PRR16: variants seen among roughly 807,000 people sequenced by gnomAD.
PRR16 encodes proline rich 16, also known as protein Largen.
In PRR16, 6 loss-of-function variants were observed where a neutral mutation model predicts 18.2. The ratio of observed to expected loss-of-function variants is 0.33; its 90% confidence interval spans 0.18 to 0.65. The LOEUF is 0.65. Ranked by LOEUF, PRR16 falls within the 30% of genes least tolerant of loss-of-function variation. The probability of loss-of-function intolerance (pLI) is 0.74; values close to 1 mark genes in which losing one functional copy is unlikely to be tolerated. For missense variants in PRR16, 412 were observed against 376.6 expected (o/e 1.09, Z -0.78); for synonymous variants, 151 against 147.8 (o/e 1.02, Z -0.16).
the PRR16 span, among the ~76,000 whole-genome samples, chr5:120,737,063 A>G: frequency 6.6e-6 from 1 of 152,182 alleles, no homozygotes; most frequent in Non-Finnish European, 1.5e-5. Flanking sequence ...TTATGCAGAA[A>G]AATGATTTTA....
intron 1 of PRR16, among the ~76,000 whole-genome samples, chr5:120,653,261 G>T (rs1278633927): frequency 6.6e-6 from 1 of 151,046 alleles, no homozygotes; most frequent in Non-Finnish European, 1.5e-5. Context: ...CTATAATTAT[G>T]ATTTTTATAT....
chr5:120,523,690 T>C (rs1478770465), intron 1 of PRR16, among the ~76,000 whole-genome samples: 3 of 152,198 alleles, frequency 2.0e-5, no homozygotes, highest in African/African-American at 7.2e-5. Flanking sequence ...TGACTTATTA[T>C]GCTTAAAATT....
At chr5:120,763,056 C>A in the PRR16 span, among the ~76,000 whole-genome samples, 1 of 152,110 alleles carries the variant, frequency 6.6e-6, no homozygotes, top group East Asian at 1.9e-4. Context: ...GTGGCATACT[C>A]GGCACCTTTT....
At chr5:120,651,232 C>T (rs368423197) in intron 1 of PRR16, among the ~76,000 whole-genome samples, 629 of 151,614 alleles carry the variant, frequency 4.1e-3, no homozygotes, top group African/African-American at 0.014. Context: ...ATATTAGCCC[C>T]TTGTCAGATG....
At chr5:120,762,134 T>G in the PRR16 span, among the ~76,000 whole-genome samples, 1 of 152,182 alleles carries the variant, frequency 6.6e-6, no homozygotes, top group African/African-American at 2.4e-5. Flanking sequence ...TTAGGCTGAT[T>G]GCATGTATCT....
At chr5:120,486,382 G>T (rs992625941) in intron 1 of PRR16, among the ~76,000 whole-genome samples, 3 of 150,118 alleles carry the variant, frequency 2.0e-5, no homozygotes, top group African/African-American at 7.5e-5. Flanking sequence ...GTTTTGATTT[G>T]CATTTCTCTG....
At chr5:120,765,326 T>A in the PRR16 span, among the ~76,000 whole-genome samples, 2 of 152,028 alleles carry the variant, frequency 1.3e-5, no homozygotes, top group African/African-American at 4.8e-5. Flanking sequence ...TTTTTGATGA[T>A]TCAAATGTCC....
At chr5:120,695,594 A>G in the PRR16 span, among the ~76,000 whole-genome samples, 1 of 152,142 alleles carries the variant, frequency 6.6e-6, no homozygotes, top group East Asian at 1.9e-4. Flanking sequence ...CCAATGGAGA[A>G]ACTTTCCTCT....
intron 1 of PRR16, among the ~76,000 whole-genome samples, chr5:120,559,824 A>T (rs1045030229): frequency 4.0e-5 from 6 of 151,838 alleles, no homozygotes; most frequent in Non-Finnish European, 8.8e-5. Flanking sequence ...GTCCTGTTCA[A>T]TTTCTTTCAT....
intron 1 of PRR16, among the ~76,000 whole-genome samples, chr5:120,645,341 C>G (rs909955595): frequency 6.6e-6 from 1 of 151,728 alleles, no homozygotes; most frequent in African/African-American, 2.4e-5. Context: ...CATGCATACA[C>G]ACACACACAC....
the PRR16 span, among the ~76,000 whole-genome samples, chr5:120,730,968 T>C: frequency 7.9e-5 from 12 of 152,278 alleles, no homozygotes; most frequent in South Asian, 2.5e-3. Context: ...TTAGAGTTAA[T>C]TGTTTGGTCA....
intron 1 of PRR16, among the ~76,000 whole-genome samples, chr5:120,607,258 G>GT (rs1188166737): frequency 2.6e-5 from 4 of 152,174 alleles, no homozygotes; most frequent in African/African-American, 9.6e-5. Flanking sequence ...AAGAGAGGCT[G>GT]TCTTTTTTCC....
chr5:120,684,176 G>T (rs1357919428), intron 1 of PRR16, among the ~76,000 whole-genome samples: 1 of 152,214 alleles, frequency 6.6e-6, no homozygotes, highest in African/African-American at 2.4e-5. Context: ...TGTGAGGTTT[G>T]TGCTGTCATT....
chr5:120,788,487 A>G, the PRR16 span, among the ~76,000 whole-genome samples: 1 of 152,082 alleles, frequency 6.6e-6, no homozygotes, highest in Admixed American at 6.6e-5. Context: ...TTTAATAGTA[A>G]AACAAAAATA....
chr5:120,659,592 G>A (rs997587296), intron 1 of PRR16, among the ~76,000 whole-genome samples: 5 of 151,900 alleles, frequency 3.3e-5, no homozygotes, highest in Admixed American at 3.3e-4. Context: ...TGCATTTATA[G>A]CTATTTTGAA....
At chr5:120,762,290 A>G in the PRR16 span, among the ~76,000 whole-genome samples, 3 of 152,170 alleles carry the variant, frequency 2.0e-5, no homozygotes, top group African/African-American at 4.8e-5. Context: ...AGAAATCTCC[A>G]TACTGTTTTT....
chr5:120,782,477 C>T, the PRR16 span, among the ~76,000 whole-genome samples: 4 of 152,120 alleles, frequency 2.6e-5, no homozygotes, highest in African/African-American at 4.8e-5. Context: ...AGGATCTCAG[C>T]GCTTCCCCTC....
chr5:120,532,961 G>A (rs972587238), intron 1 of PRR16, among the ~76,000 whole-genome samples: 2 of 152,232 alleles, frequency 1.3e-5, no homozygotes, highest in Non-Finnish European at 2.9e-5. Flanking sequence ...GTGTTTCTGG[G>A]TCGTTCTGTC....
intron 1 of PRR16, among the ~76,000 whole-genome samples, chr5:120,561,866 A>T (rs545915767): frequency 1.1e-3 from 167 of 152,294 alleles, no homozygotes; most frequent in African/African-American, 3.9e-3. Context: ...TTCGCCTTGC[A>T]CTATGATTGT....
Sources: gnomAD v4.1 joint callset for allele counts (sites outside exome capture counted in the v4.1 genomes callset) on GRCh38, gnomAD v4.1.1 for gene constraint, MANE v1.5 for transcripts, NCBI Gene and HGNC (gene_info 2026-07-23, HGNC 2026-07-21) for gene names.